The following ARMC2 variants were observed in gnomAD, a reference collection of about 807,000 sequenced individuals.
ARMC2 encodes the protein armadillo repeat-containing protein 2.
ARMC2 carries 67 observed loss-of-function variants against 90.3 expected under a neutral mutation model. The ratio of observed to expected loss-of-function variants is 0.74; its 90% CI spans 0.61 to 0.91. The LOEUF is 0.91. Ranked by LOEUF, ARMC2 falls within the 40% of genes least tolerant of loss-of-function variation. The pLI is 0.00. For missense variants in ARMC2, 920 were observed against 1,030.9 expected (o/e 0.89, Z 1.47); for synonymous variants, 393 against 393.0 (o/e 1.00, Z 0.00).
chr6:109,025,364 G>C, the ARMC2 span, among the ~76,000 whole-genome samples: 1 of 151,360 alleles, frequency 6.6e-6, no homozygotes, highest in Non-Finnish European at 1.5e-5. Flanking sequence ...ATGTCCCCCA[G>C]GTTCCAGTTA....
rs144109578 is a variant in ARMC2, at chr6:108,945,581, G to A, written c.1597-7452G>A. Among the ~76,000 whole-genome samples, 19 of 152,350 alleles carry A rather than the reference G, an allele frequency of 1.2e-4. 1 individual carries two copies. Among genetic ancestry groups the A allele is most frequent in the African/African-American group, 4.3e-4 (18 of 41,590 alleles). ...CCTTTGCAAACCCTGGGAACTGCCA[G>A]ACTCATTCTTGGTTGTGCTGCTTTT... On this transcript the variant is annotated intron_variant, in intron 12 of 17. Coordinates refer to ENST00000392644, the MANE Select transcript of ARMC2 (RefSeq NM_032131.6).
the ARMC2 span, among the ~76,000 whole-genome samples, chr6:108,979,937 T>C: frequency 6.6e-6 from 1 of 151,894 alleles, no homozygotes. Flanking sequence ...GATTAGAACA[T>C]GCTCCTTTAG....
At chr6:109,052,430 G>C in the ARMC2 span, among the ~76,000 whole-genome samples, 1 of 152,140 alleles carries the variant, frequency 6.6e-6, no homozygotes, top group East Asian at 1.9e-4. Context: ...GAAAGCCACT[G>C]CTATTATAAC....
intron 2 of ARMC2, chr6:108,856,269 T>G (rs1199855076): frequency 6.6e-6 from 1 of 152,192 alleles, no homozygotes; most frequent in Admixed American, 6.5e-5. Flanking sequence ...TTTGTTTTTG[T>G]TTTTGCATGT....
At chr6:109,024,242 T>A in the ARMC2 span, among the ~76,000 whole-genome samples, 12 of 152,206 alleles carry the variant, frequency 7.9e-5, no homozygotes, top group Admixed American at 7.9e-4. Context: ...TACAAAATTA[T>A]AACAAGCTTC....
chr6:109,047,167 T>TG, the ARMC2 span, among the ~76,000 whole-genome samples: 1 of 30,702 alleles, frequency 3.3e-5, no homozygotes. Flanking sequence ...GGGAGGGAGG[T>TG]GGGGGGGTCA....
At chr6:108,944,431 C>T (rs1459223840) in intron 12 of ARMC2, among the ~76,000 whole-genome samples, 1 of 152,198 alleles carries the variant, frequency 6.6e-6, no homozygotes, top group Non-Finnish European at 1.5e-5. Flanking sequence ...AGGTGCTCAT[C>T]ACACTGATGA....
intron 11 of ARMC2, among the ~76,000 whole-genome samples, chr6:108,935,694 C>T (rs942768093): frequency 5.3e-5 from 8 of 152,088 alleles, no homozygotes; most frequent in South Asian, 2.1e-4. Context: ...CCTCCTGCCT[C>T]GGCCTCCCAA....
At position 108,894,476 on chromosome 6, in the gene ARMC2, G is replaced by A; in HGVS notation, c.681G>A (p.Gly227=). 3 of 1,610,418 alleles carry A rather than the reference G, an allele frequency of 1.9e-6. No homozygotes were observed. The highest frequency in any genetic ancestry group is 1.1e-5 in the South Asian group (1 of 90,672). ...TATGTATTCCTCCTAGGGACCAGGG[G>A]AAGAGACATGCGAGGGCCTCATCAT... ...PSHLKNGGDQ[G]KRHARASSCP... The change falls in exon 6 of 18, where the codon GGG becomes GGA. Residue 227 remains glycine (G), a synonymous_variant. Coordinates refer to ENST00000392644, the MANE Select transcript of ARMC2 (RefSeq NM_032131.6).
chr6:108,937,864 G>GT (rs1776084148), intron 12 of ARMC2, among the ~76,000 whole-genome samples: 1 of 150,472 alleles, frequency 6.6e-6, no homozygotes, highest in African/African-American at 2.5e-5. Flanking sequence ...GGCTAATTTT[G>GT]TTTTTGTACT....
intron 4 of ARMC2, among the ~76,000 whole-genome samples, chr6:108,875,252 A>ACT (rs1776822205): frequency 6.6e-6 from 1 of 152,030 alleles, no homozygotes; most frequent in African/African-American, 2.4e-5. Flanking sequence ...TCTTCTTGCA[A>ACT]CTCTGTCTTA....
At chr6:109,048,275 C>T in the ARMC2 span, among the ~76,000 whole-genome samples, 2 of 152,140 alleles carry the variant, frequency 1.3e-5, no homozygotes, top group Non-Finnish European at 2.9e-5. Flanking sequence ...GTGGTGCAGG[C>T]AGTTTAACCA....
intron 1 of ARMC2, among the ~76,000 whole-genome samples, chr6:108,851,641 A>G (rs1774023916): frequency 6.6e-6 from 1 of 151,748 alleles, no homozygotes; most frequent in Non-Finnish European, 1.5e-5. Context: ...TGTATTGCTT[A>G]AGACCCTGTC....
At chr6:108,927,522 C>T (rs777247657) in intron 10 of ARMC2, among the ~76,000 whole-genome samples, 2 of 151,174 alleles carry the variant, frequency 1.3e-5, no homozygotes, top group Admixed American at 6.6e-5. Context: ...GACTCTTTGA[C>T]GAAGGTAAAG....
chr6:109,050,388 TAAA>T, the ARMC2 span, among the ~76,000 whole-genome samples: 3 of 134,056 alleles, frequency 2.2e-5, no homozygotes, highest in African/African-American at 8.1e-5. Flanking sequence ...TTTAAATTGT[TAAA>T]AAAAAAAAAA....
the ARMC2 span, among the ~76,000 whole-genome samples, chr6:109,041,854 A>C: frequency 6.6e-6 from 1 of 152,210 alleles, no homozygotes. Flanking sequence ...AACAGGATGT[A>C]ATCAACATTT....
At chr6:109,009,637 G>A in the ARMC2 span, 4 of 858,774 alleles carry the variant, frequency 4.7e-6, no homozygotes, top group African/African-American at 3.6e-5. Flanking sequence ...GGCCACGCAA[G>A]CCAATGCGGG....
In ARMC2 at chr6:108,969,318, A is replaced by C. The variant is rs1025172728; in HGVS notation, c.2447-4039A>C. Reference sequence around the variant, plus strand: ...TCTGCTGCTGAACAGCTAGCTAGGAAATAGTGTAGTGAGTAAAGGAAGCTT... The same window carrying C: ...TCTGCTGCTGAACAGCTAGCTAGGACATAGTGTAGTGAGTAAAGGAAGCTT... On this transcript the variant is annotated intron_variant, in intron 17 of 17. Coordinates refer to ENST00000392644, the MANE Select transcript of ARMC2 (RefSeq NM_032131.6). Among the ~76,000 whole-genome samples, 3 of 152,218 alleles carry C rather than the reference A, an allele frequency of 2.0e-5. No homozygotes were observed. In the East Asian group the frequency reaches 5.8e-4, roughly 29 times the overall value.
chr6:108,877,828 A>G (rs1777085971), intron 5 of ARMC2, among the ~76,000 whole-genome samples: 1 of 152,236 alleles, frequency 6.6e-6, no homozygotes, highest in South Asian at 2.1e-4. Flanking sequence ...ATTTTCATTT[A>G]TATATTTTAT....
Sources: allele counts gnomAD v4.1 joint callset (sites outside exome capture counted in the v4.1 genomes callset), GRCh38; gene constraint gnomAD v4.1.1; transcripts MANE v1.5; gene names NCBI Gene and HGNC (gene_info 2026-07-23, HGNC 2026-07-21).